The following ENDOU variants were observed in gnomAD, a reference collection of about 807,000 sequenced individuals.
ENDOU encodes the protein uridylate-specific endoribonuclease.
In ENDOU, 49 loss-of-function variants were observed where a neutral mutation model predicts 54.2. The ratio of observed to expected loss-of-function variants is 0.90; its 90% CI spans 0.72 to 1.15. The LOEUF (loss-of-function observed/expected upper bound fraction) is 1.15, where lower values mean the gene tolerates loss of function less well. ENDOU is among the 50% of genes most tolerant of loss of function. The pLI is 0.00. For missense variants in ENDOU, 458 were observed against 511.4 expected (o/e 0.90, Z 1.01); for synonymous variants, 172 against 190.5 (o/e 0.90, Z 0.80).
rs1397062318 is a variant in ENDOU, at chr12:47,711,650, G to A, written c.1098C>T (p.Ile366=). The A allele has an allele frequency of 2.3e-5, 37 of 1,613,532 alleles. No individual in the cohort carries two copies. The East Asian group carries it at 3.6e-4, about 16-fold the overall frequency. The change falls in exon 9 of 10, where the codon ATC becomes ATT. Residue 366 remains isoleucine, a synonymous_variant. Coordinates refer to ENST00000422538, the MANE Select transcript of ENDOU (RefSeq NM_001172439.2). ...ATTCTTACACTTTGCCTGGCCTGGCGATGAAGCACAGGGAGTAGAGTGCAA... is the reference window on the plus strand; with the variant it reads ...ATTCTTACACTTTGCCTGGCCTGGCAATGAAGCACAGGGAGTAGAGTGCAA... ...FEFALYSLCF[I]ARPGKVCQLS... is the part of the protein sequence containing the mutation.
At chr12:47,720,923 T>A in intron 1 of ENDOU, 48 bp from the exon 2 acceptor site, 1 of 1,530,908 alleles carries the variant, frequency 6.5e-7, no homozygotes, top group Non-Finnish European at 8.7e-7. Context: ...GACCCTGTTC[T>A]CCCCAGGGTG....
chr12:47,717,738 G>T, intron 3 of ENDOU, 83 bp from the exon 4 acceptor site: 2 of 1,438,690 alleles, frequency 1.4e-6, no homozygotes, highest in Non-Finnish European at 1.9e-6. Context: ...CCCTAGCCTG[G>T]CTGTCTTCAC....
At chr12:47,722,316 T>C (rs1940457148) in intron 1 of ENDOU, among the ~76,000 whole-genome samples, 1 of 152,180 alleles carries the variant, frequency 6.6e-6, no homozygotes, top group South Asian at 2.1e-4. Context: ...GAACCTAGAC[T>C]CTGGCGCCAA....
chr12:47,717,766 T>C, intron 3 of ENDOU, 111 bp from the exon 4 acceptor site: 6 of 1,162,748 alleles, frequency 5.2e-6, no homozygotes, highest in Non-Finnish European at 7.4e-6. Flanking sequence ...AGTAAAGATC[T>C]CCAGGGAAGG....
At chr12:47,725,224 G>T in intron 1 of ENDOU, 135 bp downstream of exon 1, 1 of 923,222 alleles carries the variant, frequency 1.1e-6, no homozygotes. Context: ...ACCCAAAAGT[G>T]CTCTGCGGCT....
At chr12:47,717,739 C>G in intron 3 of ENDOU, 84 bp from the exon 4 acceptor site, 1 of 1,408,276 alleles carries the variant, frequency 7.1e-7, no homozygotes. Context: ...CCTAGCCTGG[C>G]TGTCTTCACT....
Position 47,715,229 on chromosome 12 carries a change from G to A in ENDOU, c.751+1071C>T, listed in dbSNP as rs1265932197. Among the ~76,000 whole-genome samples, 8 of 152,294 alleles carry A rather than the reference G, an allele frequency of 5.3e-5. No homozygotes were observed. In the South Asian group the frequency reaches 6.2e-4, roughly 12 times the overall value. ...GGGCAGGTGCAGCCTTCACAAATGC[G>A]GTGGGATATGAATTATCATAGAACT... is the stretch of plus-strand genomic sequence containing the variant. On this transcript the variant is annotated intron_variant, in intron 6 of 9. Transcript: ENST00000422538.
intron 2 of ENDOU, chr12:47,720,307 A>G (rs1461633887): frequency 6.5e-6 from 1 of 154,690 alleles, no homozygotes; most frequent in Non-Finnish European, 1.4e-5. Context: ...CACTAGAGGA[A>G]GAGTGGTATG....
chr12:47,722,731 CT>C (rs1347588936), intron 1 of ENDOU, among the ~76,000 whole-genome samples: 3 of 152,176 alleles, frequency 2.0e-5, no homozygotes, highest in Non-Finnish European at 4.4e-5. Context: ...TCCTGGCTGA[CT>C]TCATCACTAC....
intron 5 of ENDOU, 141 bp downstream of exon 5, chr12:47,716,749 A>G (rs1023608399): frequency 2.4e-6 from 2 of 841,842 alleles, no homozygotes; most frequent in Non-Finnish European, 3.8e-6. Flanking sequence ...GTCCCTCAAG[A>G]TGGCTTTGTC....
chr12:47,724,848 G>A (rs147403373), intron 1 of ENDOU, among the ~76,000 whole-genome samples: 5 of 152,168 alleles, frequency 3.3e-5, no homozygotes, highest in East Asian at 1.9e-4. Flanking sequence ...CAGATAGGAC[G>A]AGGCCCACCT....
In ENDOU at chr12:47,711,658, A is replaced by G. The variant is rs1409186479; in HGVS notation, c.1090T>C (p.Cys364Arg). 6.2e-7 allele frequency: 1 copy of G among 1,613,848 alleles called. No homozygotes were observed. The highest frequency in any genetic ancestry group is 1.1e-5 in the South Asian group (1 of 91,036). The change falls in exon 9 of 10, where the codon TGC (cysteine) becomes CGC (arginine). Residue 364 changes from cysteine (C) to arginine (R), a missense_variant. By Grantham distance (180) the Cys-to-Arg change is radical. Coordinates refer to ENST00000422538, the MANE Select transcript of ENDOU (RefSeq NM_001172439.2). The part of the protein sequence containing the change: ...PEFEFALYSL[C>R]FIARPGKVCQ... ...ACTTTGCCTGGCCTGGCGATGAAGCACAGGGAGTAGAGTGCAAACTCAAAC... is the reference window on the plus strand; with the variant it reads ...ACTTTGCCTGGCCTGGCGATGAAGCGCAGGGAGTAGAGTGCAAACTCAAAC...
At chr12:47,715,841 G>C (rs73300689) in intron 6 of ENDOU, among the ~76,000 whole-genome samples, 4,757 of 152,272 alleles carry the variant, frequency 0.031, 245 homozygotes, top group African/African-American at 0.11. Context: ...TGTTTCCCCA[G>C]CCAAAAGGTG....
In ENDOU at chr12:47,712,516, A is replaced by C; in HGVS notation, c.972T>G (p.Pro324=). The C allele has an allele frequency of 6.2e-7, 1 of 1,608,272 alleles. No homozygotes were observed. The highest frequency in any genetic ancestry group is 8.5e-7 in the Non-Finnish European group (1 of 1,174,736). ...VDYYSHIYDG[P]WDSYPDVLAM... ...AGGCTTTTCTAGTCCGTGTACTCAC[A>C]GGCCCATCGTAGATGTGACTGTAAT... Residue 324 remains proline (P), a splice_region_variant and synonymous_variant, in exon 8 of 10, where the codon CCT becomes CCG. Coordinates refer to ENST00000422538, the MANE Select transcript of ENDOU (RefSeq NM_001172439.2).
chr12:47,716,595 G>A (rs934317179), intron 5 of ENDOU, 96 bp from the exon 6 acceptor site: 13 of 1,212,480 alleles, frequency 1.1e-5, no homozygotes, highest in African/African-American at 3.0e-5. Flanking sequence ...GACAGGCGAG[G>A]GCTGGGTTCA....
At chr12:47,713,740 CG>C (rs58687571) in intron 6 of ENDOU, among the ~76,000 whole-genome samples, 9,144 of 107,274 alleles carry the variant, frequency 0.085, 368 homozygotes, top group Middle Eastern at 0.11. Flanking sequence ...CATAAGTTGG[CG>C]GGGGGGGGGG....
chr12:47,712,506 G>T lies in ENDOU; in HGVS notation c.972+10C>A, dbSNP rs370852063. ...GGCTCTGACAAGGCTTTTCTAGTCC[G>T]TGTACTCACAGGCCCATCGTAGATG... On this transcript the variant is annotated intron_variant, in intron 8 of 9. Transcript: ENST00000422538. 6.3e-7 allele frequency: 1 copy of T among 1,589,060 alleles called. No homozygotes were observed. Among genetic ancestry groups the T allele is most frequent in the African/African-American group, 1.3e-5 (1 of 74,596 alleles).
chr12:47,716,808 G>T, intron 5 of ENDOU, 82 bp downstream of exon 5: 2 of 1,425,730 alleles, frequency 1.4e-6, no homozygotes, highest in Non-Finnish European at 9.8e-7. Flanking sequence ...TGCCTGACTT[G>T]AGGATAAAAA....
intron 9 of ENDOU, among the ~76,000 whole-genome samples, chr12:47,711,354 T>C (rs544639654): frequency 2.0e-5 from 3 of 152,332 alleles, no homozygotes; most frequent in African/African-American, 7.2e-5. Context: ...CTGAGAGCTC[T>C]AGGACAACTC....
Sources: allele counts gnomAD v4.1 joint callset (sites outside exome capture counted in the v4.1 genomes callset), GRCh38; gene constraint gnomAD v4.1.1; transcripts MANE v1.5; gene names NCBI Gene and HGNC (gene_info 2026-07-23, HGNC 2026-07-21).